Variants in IPO4 observed in about 807,000 individuals in gnomAD.
IPO4 encodes the protein importin 4.
IPO4 carries 91 observed loss-of-function variants against 133.5 expected under a neutral mutation model. That is an observed-to-expected ratio of 0.68 (90% CI 0.58 to 0.81). The LOEUF is 0.81. IPO4 is among the 30% of genes least tolerant of loss of function. IPO4 has a pLI of 0.00. For missense variants in IPO4, 1,279 were observed against 1,386.2 expected, an observed-to-expected ratio of 0.92 and a Z score of 1.23; for synonymous variants, 607 against 581.6, an observed-to-expected ratio of 1.04 and a Z score of -0.63.
chr14:24,182,426 G>C, intron 24 of IPO4, 23 bp from the exon 25 acceptor site: 1 of 1,598,760 alleles, frequency 6.3e-7, no homozygotes, highest in African/African-American at 1.3e-5. Context: ...GTCAGGGGCT[G>C]GAGCACCAGG....
rs774751024 is a variant in IPO4, at chr14:24,185,254, G to A, written c.1337C>T (p.Ser446Leu). 41 of 1,613,992 alleles carry A rather than the reference G, an allele frequency of 2.5e-5. No homozygotes were observed. The highest frequency in any genetic ancestry group is 8.0e-5 in the African/African-American group (6 of 74,928). Residue 446 changes from serine to leucine, a missense_variant, in exon 14 of 30, where the codon TCG (serine) becomes TTG (leucine). Transcript: ENST00000354464. ...GTGGTGTGTGTGTCCAAGAGGCACCGACTTCAAGTAGGCGAGGAGCAGTGG... is the reference window on the plus strand; with the variant it reads ...GTGGTGTGTGTGTCCAAGAGGCACCAACTTCAAGTAGGCGAGGAGCAGTGG... ...VMPLLLAYLK[S>L]VPLGHTHHLA...
In IPO4 at chr14:24,188,797, T is replaced by C; in HGVS notation, c.-10A>G. The C allele has an allele frequency of 2.7e-6, 4 of 1,490,786 alleles. No homozygotes were observed. The highest frequency in any genetic ancestry group is 3.6e-6 in the Non-Finnish European group (4 of 1,121,358). 92.3% of individuals were successfully genotyped at this position (1,490,786 alleles called of 1,614,324 possible). ...GCCCGGCTGACTCCATGGCAGCAAC[T>C]GAGCCGCCGCTACTGGGCCGAAAAG... On this transcript the variant is annotated 5_prime_UTR_variant, in exon 1 of 30. Coordinates refer to ENST00000354464, the MANE Select transcript of IPO4 (RefSeq NM_024658.4).
rs1427474914 is a variant in IPO4 at position 24,184,884 on chromosome 14, C to T, written c.1505G>A (p.Ser502Asn). 6.2e-7 allele frequency: 1 copy of T among 1,614,078 alleles called. No individual in the cohort carries two copies. Among genetic ancestry groups the T allele is most frequent in the Non-Finnish European group, 8.5e-7 (1 of 1,179,990 alleles). ...CTCCTCACCAATGGCTCCCAGGGCG[C>T]TCACAGCCAGCTCCTTGGCCCGGGG... Reference protein sequence around the residue: ...SSPRAKELAVSALGAIATAAQ... With the variant: ...SSPRAKELAVNALGAIATAAQ... Residue 502 changes from serine (S) to asparagine (N), a missense_variant, in exon 15 of 30, where the codon AGC becomes AAC. Ser to Asn is a conservative substitution (Grantham distance 46, BLOSUM62 1). This residue lies in a region of IPO4 where 695 missense variants were observed against 704.1 expected (regional missense o/e 0.99). Transcript: ENST00000354464.
intron 29 of IPO4, 42 bp downstream of exon 29, chr14:24,180,647 C>T: frequency 6.2e-7 from 1 of 1,613,034 alleles, no homozygotes; most frequent in Non-Finnish European, 8.5e-7. Flanking sequence ...CCCTGCCACT[C>T]CCAGCCTCCC....
Position 24,183,608 on chromosome 14 carries a change from T to G in IPO4, c.2045A>C (p.Glu682Ala), listed in dbSNP as rs2039174424. The G allele has an allele frequency of 6.2e-7, 1 of 1,613,888 alleles. No individual in the cohort carries two copies. Among genetic ancestry groups the G allele is most frequent in the Admixed American group, 1.7e-5 (1 of 59,986 alleles). ...EKEDTCAAVGEISVNTSVAFL... is the reference protein window; with the variant it reads ...EKEDTCAAVGAISVNTSVAFL... ...TGCTCACCTGGTGTTCACAGAGATCTCCCCCACGGCAGCACAGGTGTCTTC... is the reference window on the plus strand; with the variant it reads ...TGCTCACCTGGTGTTCACAGAGATCGCCCCCACGGCAGCACAGGTGTCTTC... Residue 682 changes from glutamate (E) to alanine (A), a missense_variant, in exon 20 of 30, where the codon GAG becomes GCG. By Grantham distance (107) the Glu-to-Ala change is moderately radical (BLOSUM62 -1). Transcript: ENST00000354464.
intron 28 of IPO4, 25 bp downstream of exon 28, chr14:24,181,488 T>G (rs1200049588): frequency 6.5e-7 from 1 of 1,546,824 alleles, no homozygotes; most frequent in East Asian, 2.4e-5. Flanking sequence ...CGTTCCCCTC[T>G]GAGGGCTGCC....
At position 24,186,402 on chromosome 14, in the gene IPO4, G is replaced by A. The variant is rs1029918868; in HGVS notation, c.890C>T (p.Pro297Leu). The change falls in exon 10 of 30, where the codon CCC becomes CTC. Residue 297 changes from proline to leucine, a missense_variant. Transcript: ENST00000354464. ...TGGTGGGGGCTCAGCAGCCACAATG[G>A]GGAAAAGGGTGTGCAGCAAGGGTGG... Reference protein sequence around the residue: ...LLPPLLHTLFPIVAAEPPPGQ... With the variant: ...LLPPLLHTLFLIVAAEPPPGQ... The A allele has an allele frequency of 6.2e-7, 1 of 1,611,120 alleles. No individual in the cohort carries two copies. The highest frequency in any genetic ancestry group is 8.5e-7 in the Non-Finnish European group (1 of 1,178,228).
chr14:24,181,174 C>T (rs2039130750), intron 28 of IPO4, among the ~76,000 whole-genome samples: 1 of 152,110 alleles, frequency 6.6e-6, no homozygotes, highest in South Asian at 2.1e-4. Flanking sequence ...CCAGAGGTAC[C>T]CTGGGCTCCA....
rs779260580 is a variant in IPO4 at position 24,188,617 on chromosome 14, C to G, written c.91G>C (p.Val31Leu). 1.9e-6 allele frequency: 3 copies of G among 1,611,138 alleles called. No individual in the cohort carries two copies. The East Asian group carries it at 6.7e-5, about 36-fold the overall frequency. ...GGCAAAGCGGCGGGGGCCCGAAGAACGATCTGGAGCTGTTCCGTGGCCTGG... is the reference window on the plus strand; with the variant it reads ...GGCAAAGCGGCGGGGGCCCGAAGAAGGATCTGGAGCTGTTCCGTGGCCTGG... ...IRRATEQLQI[V>L]LRAPAALPAL... is the part of the protein sequence containing the mutation. The change falls in exon 2 of 30, where the codon GTT (valine) becomes CTT (leucine). Residue 31 changes from valine (V) to leucine (L), a missense_variant. Val to Leu is a conservative substitution (Grantham distance 32, BLOSUM62 1). This residue lies in a region of IPO4 where 695 missense variants were observed against 704.1 expected (regional missense o/e 0.99). Coordinates refer to ENST00000354464, the MANE Select transcript of IPO4 (RefSeq NM_024658.4).
In IPO4 at chr14:24,181,615, C is replaced by T; in HGVS notation, c.2943G>A (p.Val981=). The T allele has an allele frequency of 6.2e-7, 1 of 1,614,018 alleles. No homozygotes were observed. The highest frequency in any genetic ancestry group is 8.5e-7 in the Non-Finnish European group (1 of 1,179,952). Residue 981 remains valine, a splice_region_variant and synonymous_variant, in exon 28 of 30, where the codon GTG becomes GTA. Transcript: ENST00000354464. ...GCAGGGCATGCAGTAGGGCAGCCAG[C>T]ACCTGGGCACACAAATGTCTCAGGC... is the stretch of plus-strand genomic sequence containing the variant. ...ASPTRKPEPQ[V]LAALLHALPL...
At chr14:24,185,815 G>T in intron 12 of IPO4, 46 bp downstream of exon 12, 1 of 1,415,770 alleles carries the variant, frequency 7.1e-7, no homozygotes. Flanking sequence ...GACAGCCATG[G>T]TCCTCCCTGT....
chr14:24,185,755 TGG>T, intron 12 of IPO4, 104 bp downstream of exon 12: 1 of 1,011,838 alleles, frequency 9.9e-7, no homozygotes, highest in Non-Finnish European at 1.5e-6. Context: ...CTTTTGATAA[TGG>T]GGGGAAACGC....
intron 16 of IPO4, 69 bp downstream of exon 16, chr14:24,184,581 C>T: frequency 1.4e-6 from 2 of 1,412,392 alleles, no homozygotes; most frequent in Non-Finnish European, 9.6e-7. Context: ...TGGGGGCAAT[C>T]TGTCAACACC....
chr14:24,187,293 A>G, intron 6 of IPO4, 107 bp downstream of exon 6: 1 of 1,479,158 alleles, frequency 6.8e-7, no homozygotes, highest in Non-Finnish European at 9.4e-7. Flanking sequence ...ATTGTCAGGA[A>G]GGGCCACAGG....
At position 24,183,850 on chromosome 14, in the gene IPO4, C is replaced by G; in HGVS notation, c.1918G>C (p.Asp640His). The change falls in exon 19 of 30, where the codon GAT becomes CAT. Residue 640 changes from aspartate to histidine, a missense_variant. Transcript: ENST00000354464. ...SSFLLFDDES[D>H]GEEEEELMDE... ...ATGAGCTCCTCCTCTTCTTCCCCAT[C>G]ACTCTCATCGTCAAACAGAAGGAAG... is the stretch of plus-strand genomic sequence containing the variant. 6.2e-7 allele frequency: 1 copy of G among 1,614,124 alleles called. No individual in the cohort carries two copies.
At chr14:24,186,598 T>G (rs2039226599) in intron 9 of IPO4, 110 bp downstream of exon 9, 1 of 1,357,808 alleles carries the variant, frequency 7.4e-7, no homozygotes, top group Non-Finnish European at 1.0e-6. Context: ...AGGCCAAGGC[T>G]TGAACCCCCA....
At chr14:24,185,691 G>T in intron 12 of IPO4, 124 bp from the exon 13 acceptor site, 2 of 996,452 alleles carry the variant, frequency 2.0e-6, no homozygotes, top group Non-Finnish European at 1.5e-6. Flanking sequence ...GTGGGCAGCA[G>T]CCCCTGGTCC....
At position 24,183,646 on chromosome 14, in the gene IPO4, G is replaced by T; in HGVS notation, c.2007C>A (p.Phe669Leu). The T allele has an allele frequency of 1.2e-6, 2 of 1,614,150 alleles. No individual in the cohort carries two copies. Among genetic ancestry groups the T allele is most frequent in the East Asian group, 4.5e-5 (2 of 44,878 alleles). ...CACAGGTGTCTTCCTTCTCATCGAA[G>T]AAGGCATTCTCCACGCTGTACCTAG... The part of the protein sequence containing the change: ...EISGYSVENA[F>L]FDEKEDTCAA... The change falls in exon 20 of 30, where the codon TTC becomes TTA. Residue 669 changes from phenylalanine (F) to leucine (L), a missense_variant. Around this residue, in one of 3 missense-constraint regions of IPO4, gnomAD observed 575 missense variants for 653.4 expected, o/e 0.88. Coordinates refer to ENST00000354464, the MANE Select transcript of IPO4 (RefSeq NM_024658.4).
At chr14:24,186,834 C>T in intron 8 of IPO4, 43 bp from the exon 9 acceptor site, 1 of 1,612,264 alleles carries the variant, frequency 6.2e-7, no homozygotes, top group Middle Eastern at 1.7e-4. Context: ...GAAGGAGAGT[C>T]CCAGCAGAGC....
Sources: gnomAD v4.1 joint callset for allele counts (sites outside exome capture counted in the v4.1 genomes callset) on GRCh38, gnomAD v4.1.1 for gene constraint, gnomAD v4.1.1 regional missense constraint, MANE v1.5 for transcripts, NCBI Gene and HGNC (gene_info 2026-07-23, HGNC 2026-07-21) for gene names.